The following SUGCT variants were observed in gnomAD, a reference collection of about 807,000 sequenced individuals.
SUGCT encodes succinyl-CoA:glutarate CoA-transferase.
Under a neutral mutation model 55.0 loss-of-function variants are expected in SUGCT, and 41 were observed. The observed-to-expected ratio is 0.74, with a 90% CI of 0.58 to 0.97. SUGCT has a LOEUF of 0.97. SUGCT is among the 50% of genes least tolerant of loss of function. SUGCT has a pLI of 0.00. For synonymous variants in SUGCT, 187 were observed against 200.4 expected, an observed-to-expected ratio of 0.93 and a Z score of 0.56; for missense variants, 568 against 547.8, an observed-to-expected ratio of 1.04 and a Z score of -0.37.
chr7:40,632,140 T>C (rs1231962713), intron 12 of SUGCT, among the ~76,000 whole-genome samples: 3 of 152,180 alleles, frequency 2.0e-5, no homozygotes, highest in Non-Finnish European at 4.4e-5. Flanking sequence ...GGGATGCATT[T>C]GGCACAGGTG....
At chr7:40,727,508 A>G (rs991689484) in intron 12 of SUGCT, among the ~76,000 whole-genome samples, 1 of 152,226 alleles carries the variant, frequency 6.6e-6, no homozygotes, top group Non-Finnish European at 1.5e-5. Context: ...CAAATGGAAG[A>G]CTATTCCACC....
At chr7:40,213,122 T>G (rs554897041) in intron 6 of SUGCT, among the ~76,000 whole-genome samples, 1 of 152,278 alleles carries the variant, frequency 6.6e-6, no homozygotes, top group Admixed American at 6.5e-5. Context: ...TTATGTTGTC[T>G]TATCAATTAT....
In SUGCT at chr7:40,850,559, A is replaced by T. The variant is rs146646429; in HGVS notation, c.1154-9757A>T. Among the ~76,000 whole-genome samples, 640 of 152,298 alleles carry T rather than the reference A, an allele frequency of 4.2e-3. 1 individual carries two copies. The highest frequency in any genetic ancestry group is 0.027 in the Middle Eastern group (8 of 294). ...AGAGACACTAAGTATGTACTTATAA[A>T]GAGTGTGGCTTGGGTAATCATCCAA... On this transcript the variant is annotated intron_variant, in intron 13 of 13. Transcript: ENST00000335693.
At chr7:40,343,447 A>G (rs1019539145) in intron 9 of SUGCT, among the ~76,000 whole-genome samples, 6 of 152,126 alleles carry the variant, frequency 3.9e-5, no homozygotes, top group Admixed American at 6.5e-5. Flanking sequence ...TTGAAACTAT[A>G]TCTGGTGTTT....
chr7:40,736,291 A>G (rs1379359105), intron 12 of SUGCT, among the ~76,000 whole-genome samples: 1 of 136,222 alleles, frequency 7.3e-6, no homozygotes, highest in East Asian at 2.1e-4. Flanking sequence ...ATATTATAAT[A>G]TTTATATAAT....
At chr7:40,653,516 G>A (rs2151842527) in intron 12 of SUGCT, among the ~76,000 whole-genome samples, 1 of 152,242 alleles carries the variant, frequency 6.6e-6, no homozygotes, top group South Asian at 2.1e-4. Flanking sequence ...AGGAAAAATG[G>A]CTTAGTAAGC....
At chr7:40,247,747 G>A (rs1646025765) in intron 7 of SUGCT, among the ~76,000 whole-genome samples, 2 of 152,026 alleles carry the variant, frequency 1.3e-5, no homozygotes, top group African/African-American at 4.8e-5. Context: ...GTGATTTAAA[G>A]GATTTCTTTG....
At chr7:40,873,821 T>C in the SUGCT span, among the ~76,000 whole-genome samples, 1 of 152,192 alleles carries the variant, frequency 6.6e-6, no homozygotes, top group Non-Finnish European at 1.5e-5. Context: ...GTAAGACACA[T>C]AAAGTTGATG....
At chr7:40,736,620 A>G (rs527763252) in intron 12 of SUGCT, among the ~76,000 whole-genome samples, 6 of 152,218 alleles carry the variant, frequency 3.9e-5, no homozygotes, top group African/African-American at 9.6e-5. Flanking sequence ...CAAAGCAAAG[A>G]CAATTAGAAT....
At chr7:41,010,996 T>C in the SUGCT span, among the ~76,000 whole-genome samples, 1 of 152,094 alleles carries the variant, frequency 6.6e-6, no homozygotes, top group Non-Finnish European at 1.5e-5. Flanking sequence ...AAAGAAATGA[T>C]GGTGGTTTGG....
intron 1 of SUGCT, among the ~76,000 whole-genome samples, chr7:40,150,212 C>T (rs554620990): frequency 2.0e-5 from 3 of 152,356 alleles, no homozygotes; most frequent in Non-Finnish European, 2.9e-5. Context: ...GATGGATCAG[C>T]TGGCCCCACC....
chr7:40,906,462 G>T, the SUGCT span, among the ~76,000 whole-genome samples: 1 of 152,264 alleles, frequency 6.6e-6, no homozygotes, highest in East Asian at 1.9e-4. Context: ...TTATTGTCCT[G>T]ACAAGTATGT....
At chr7:41,036,732 A>G in the SUGCT span, among the ~76,000 whole-genome samples, 2 of 152,206 alleles carry the variant, frequency 1.3e-5, no homozygotes, top group Non-Finnish European at 2.9e-5. Flanking sequence ...CCCAGGACAA[A>G]CTTCCTCAGG....
chr7:40,313,343 T>C (rs558994156), intron 8 of SUGCT, among the ~76,000 whole-genome samples: 3 of 152,306 alleles, frequency 2.0e-5, no homozygotes, highest in African/African-American at 7.2e-5. Flanking sequence ...AAAAGTCACA[T>C]CCTGCATTCT....
chr7:40,567,309 T>C (rs979954475), intron 12 of SUGCT, among the ~76,000 whole-genome samples: 2 of 152,252 alleles, frequency 1.3e-5, no homozygotes, highest in African/African-American at 4.8e-5. Context: ...GAGTTGTGTG[T>C]GCATTAAAAG....
intron 9 of SUGCT, among the ~76,000 whole-genome samples, chr7:40,326,336 C>T (rs149779579): frequency 1.0e-3 from 154 of 152,166 alleles, no homozygotes; most frequent in African/African-American, 3.5e-3. Context: ...AGAAAGCCCT[C>T]AATAAAAGGT....
At chr7:40,467,204 G>GA (rs762283927) in intron 11 of SUGCT, among the ~76,000 whole-genome samples, 21,693 of 83,868 alleles carry the variant, frequency 0.26, 2,647 homozygotes, top group African/African-American at 0.46. Context: ...CTAAGAAAAA[G>GA]AAAAAAAAAA....
At chr7:40,645,276 T>C (rs2151830657) in intron 12 of SUGCT, among the ~76,000 whole-genome samples, 1 of 152,288 alleles carries the variant, frequency 6.6e-6, no homozygotes, top group African/African-American at 2.4e-5. Flanking sequence ...CTCATTGTTC[T>C]AGAGAGCAAG....
chr7:40,303,143 C>T lies in SUGCT; in HGVS notation c.721-13617C>T, dbSNP rs558476970. 3.9e-5 allele frequency among the ~76,000 whole-genome samples: 6 copies of T among 152,038 alleles called. No individual in the cohort carries two copies. The South Asian group carries it at 1.2e-3, about 32-fold the overall frequency. ...CCGCCTCCCGAGTTCAAGTGATTCT[C>T]CTGTCTCAGCCTCCCGAGTAGCTGG... On this transcript the variant is annotated intron_variant, in intron 8 of 13. Coordinates refer to ENST00000335693, the MANE Select transcript of SUGCT (RefSeq NM_001193313.2).
Sources: gnomAD v4.1 joint callset for allele counts (sites outside exome capture counted in the v4.1 genomes callset) on GRCh38, gnomAD v4.1.1 for gene constraint, MANE v1.5 for transcripts, NCBI Gene and HGNC (gene_info 2026-07-23, HGNC 2026-07-21) for gene names.